SNCG: variants seen among roughly 807,000 people sequenced by gnomAD.
The protein encoded by SNCG is gamma-synuclein.
SNCG carries 13 observed loss-of-function variants against 16.0 expected under a neutral mutation model. That is an observed-to-expected ratio of 0.81 (90% CI 0.53 to 1.29). The LOEUF (loss-of-function observed/expected upper bound fraction) is 1.29. Ranked by LOEUF, SNCG falls within the 50% of genes most tolerant of loss-of-function variation. The pLI is 0.00. For synonymous variants in SNCG, 66 were observed against 66.3 expected (o/e 1.00, Z 0.02); for missense variants, 154 against 168.5 (o/e 0.91, Z 0.48).
At chr10:86,958,059 G>A (rs985951319), upstream of SNCG, 2 of 985,322 alleles carry the variant, frequency 2.0e-6, no homozygotes, top group African/African-American at 1.7e-5. Context: ...GCATGAGGAA[G>A]TCCTTCATTT....
chr10:86,957,618 A>G (rs1844257939), upstream of SNCG: 10 of 1,492,586 alleles, frequency 6.7e-6, no homozygotes, highest in Admixed American at 2.0e-4. Flanking sequence ...GTTGTCTTCA[A>G]GTTAAATCTC....
chr10:86,962,942 G>A (rs1243043352), intron 4 of SNCG, 23 bp from the exon 5 acceptor site: 2 of 1,597,502 alleles, frequency 1.3e-6, no homozygotes, highest in Non-Finnish European at 1.7e-6. Flanking sequence ...GGAGCTGGGT[G>A]TGCAGGTCAT....
chr10:86,963,228 A>T lies in SNCG; in HGVS notation c.*243A>T. The T allele has an allele frequency of 4.7e-6, 2 of 428,600 alleles. No individual in the cohort carries two copies. The highest frequency in any genetic ancestry group is 8.2e-6 in the Non-Finnish European group (2 of 243,276). 26.5% of individuals were successfully genotyped at this position (428,600 alleles called of 1,614,324 possible). On this transcript the variant is annotated 3_prime_UTR_variant, in exon 5 of 5. Transcript: ENST00000372017. ...ATGCTGCTGTGAATTTTTTTTTTAA[A>T]TGATTCCAAATAAAACTTGAGCCCA...
intron 4 of SNCG, 26 bp downstream of exon 4, chr10:86,962,701 C>T: frequency 6.3e-7 from 1 of 1,576,606 alleles, no homozygotes; most frequent in Non-Finnish European, 8.7e-7. Flanking sequence ...CTGGGGTGCA[C>T]CATGGGGGGT....
rs1194754024 is a variant in SNCG, at chr10:86,959,696, G to GGACA, written c.163+23_163+26dup. On this transcript the variant is annotated intron_variant, in intron 2 of 4. Coordinates refer to ENST00000372017, the MANE Select transcript of SNCG (RefSeq NM_003087.3). The surrounding 1 kb of genome is among the most constrained non-coding windows in gnomAD (Gnocchi z 4.3). ...TCAGGTGAGAAGCCCCAGGGCCAGGGGACACATGGGGGATAGGACCCCTGG... is the reference window on the plus strand; with the variant it reads ...TCAGGTGAGAAGCCCCAGGGCCAGGGGACAGACACATGGGGGATAGGACCCCTGG... 1.3e-6 allele frequency: 2 copies of GGACA among 1,592,128 alleles called. No homozygotes were observed. The highest frequency in any genetic ancestry group is 1.7e-5 in the Admixed American group (1 of 57,782).
At chr10:86,958,267 G>C (rs1252298018), upstream of SNCG, 18 of 978,238 alleles carry the variant, frequency 1.8e-5, no homozygotes, top group Non-Finnish European at 2.2e-5. Flanking sequence ...CTCTGTGCCT[G>C]TCTGTCCAGG....
rs529896819 is a variant in SNCG, at chr10:86,960,718, C to T, written c.291+590C>T. Among the ~76,000 whole-genome samples, 7 of 152,300 alleles carry T rather than the reference C, an allele frequency of 4.6e-5. No individual in the cohort carries two copies. The East Asian group carries it at 5.8e-4, about 13-fold the overall frequency. ...TTGTGAGAATGTGTGGGTGTACATG[C>T]GTGTGAATGTACACATGCGTGTGCG... is the stretch of plus-strand genomic sequence containing the variant. On this transcript the variant is annotated intron_variant, in intron 3 of 4. Transcript: ENST00000372017.
At chr10:86,957,547 TG>T (rs1349929591), upstream of SNCG, 1 of 1,604,392 alleles carries the variant, frequency 6.2e-7, no homozygotes, top group African/African-American at 1.3e-5. Context: ...ATCATCTTGG[TG>T]GTGGGGCAGG....
chr10:86,961,090 A>C (rs1160448429), intron 3 of SNCG, among the ~76,000 whole-genome samples: 1 of 148,278 alleles, frequency 6.7e-6, no homozygotes, highest in East Asian at 2.1e-4. Flanking sequence ...CAGGCCTCCT[A>C]GGTGGTGGAG....
upstream of SNCG, chr10:86,957,474 T>C (rs1197796448): frequency 1.2e-6 from 2 of 1,613,352 alleles, no homozygotes; most frequent in Admixed American, 3.3e-5. Context: ...ACTGGAAGCC[T>C]GGGCCCATGC....
rs769063061 is a variant in SNCG at position 86,959,720 on chromosome 10, G to A, written c.163+46G>A. ...GGGACACATGGGGGATAGGACCCCT[G>A]GGGCTCCTGCATCCTAGTGCTGGGG... On this transcript the variant is annotated intron_variant, in intron 2 of 4. Coordinates refer to ENST00000372017, the MANE Select transcript of SNCG (RefSeq NM_003087.3). This position sits in a 1 kb window ranked among gnomAD's most constrained non-coding sequence, Gnocchi z 4.3. 6 of 1,537,220 alleles carry A rather than the reference G, an allele frequency of 3.9e-6. No homozygotes were observed. The East Asian group carries it at 1.4e-4, about 35-fold the overall frequency.
At chr10:86,957,296 G>T, upstream of SNCG, 3 of 1,420,278 alleles carry the variant, frequency 2.1e-6, no homozygotes, top group Admixed American at 1.7e-5. Flanking sequence ...GGACCCCAGT[G>T]AGGTCTAGAG....
At position 86,959,566 on chromosome 10, in the gene SNCG, G is replaced by A; in HGVS notation, c.122-67G>A. 7.0e-7 allele frequency: 1 copy of A among 1,436,268 alleles called. No individual in the cohort carries two copies. Among genetic ancestry groups the A allele is most frequent in the Non-Finnish European group, 9.8e-7 (1 of 1,019,578 alleles). 89.0% of individuals were successfully genotyped at this position (1,436,268 alleles called of 1,614,324 possible). On this transcript the variant is annotated intron_variant, in intron 1 of 4. Coordinates refer to ENST00000372017, the MANE Select transcript of SNCG (RefSeq NM_003087.3). The surrounding 1 kb of genome is among the most constrained non-coding windows in gnomAD (Gnocchi z 4.3). ...CCACAGTTTGTCCAGCTGTTCTGTT[G>A]TGTTTGTCCTGACCGCCCCCAACAC...
chr10:86,956,266 C>T (rs547925896), upstream of SNCG, among the ~76,000 whole-genome samples: 10 of 152,138 alleles, frequency 6.6e-5, no homozygotes, highest in Admixed American at 3.3e-4. Flanking sequence ...CTGTTCCCCA[C>T]GCCACTGCCA....
chr10:86,960,465 C>T (rs1844324259), intron 3 of SNCG, among the ~76,000 whole-genome samples: 1 of 152,174 alleles, frequency 6.6e-6, no homozygotes, highest in South Asian at 2.1e-4. Flanking sequence ...CACACGGTGA[C>T]AGGCAGCCTC....
chr10:86,961,705 C>G (rs1003856326), intron 3 of SNCG, among the ~76,000 whole-genome samples: 3 of 152,194 alleles, frequency 2.0e-5, no homozygotes, highest in African/African-American at 7.2e-5. Context: ...TACCCCTGGC[C>G]TCATCATCAG....
Position 86,963,147 on chromosome 10 carries a change from C to A in SNCG, c.*162C>A. The A allele has an allele frequency of 1.8e-6, 1 of 571,180 alleles. No homozygotes were observed. Among genetic ancestry groups the A allele is most frequent in the Non-Finnish European group, 2.9e-6 (1 of 340,704 alleles). 35.4% of individuals were successfully genotyped at this position (571,180 alleles called of 1,614,324 possible). On this transcript the variant is annotated 3_prime_UTR_variant, in exon 5 of 5. Coordinates refer to ENST00000372017, the MANE Select transcript of SNCG (RefSeq NM_003087.3). Reference sequence around the variant, plus strand: ...GGCCTGTCCACCTGTGCTGCTGCACCAACCTCACTGCCCTCCCTCGGCCCC... The same window carrying A: ...GGCCTGTCCACCTGTGCTGCTGCACAAACCTCACTGCCCTCCCTCGGCCCC...
chr10:86,958,499 C>CAACCAAA, upstream of SNCG: 1 of 1,111,544 alleles, frequency 9.0e-7, no homozygotes. Context: ...AACCTCCTTC[C>CAACCAAA]CTCCCTCCCT....
Position 86,958,837 on chromosome 10 carries a change from G to T in SNCG, c.121+19G>T, listed in dbSNP as rs1280139851. The T allele has an allele frequency of 6.3e-7, 1 of 1,590,600 alleles. No individual in the cohort carries two copies. The highest frequency in any genetic ancestry group is 8.6e-7 in the Non-Finnish European group (1 of 1,167,732). ...TATGTGGGTAAGTGGGGCATGGCAG[G>T]GTGGGACAGTGTGGTGGCCAAAGGG... On this transcript the variant is annotated intron_variant, in intron 1 of 4. Transcript: ENST00000372017.
Sources: allele counts gnomAD v4.1 joint callset (sites outside exome capture counted in the v4.1 genomes callset), GRCh38; gene constraint gnomAD v4.1.1; non-coding constraint Gnocchi (gnomAD v3.1); transcripts MANE v1.5; gene names NCBI Gene and HGNC (gene_info 2026-07-23, HGNC 2026-07-21).